The following MTHFD2L variants were observed in gnomAD, a reference collection of about 807,000 sequenced individuals.
MTHFD2L encodes methylenetetrahydrofolate dehydrogenase (NADP+ dependent) 2 like, also known as bifunctional methylenetetrahydrofolate dehydrogenase/cyclohydrolase 2, mitochondrial.
A neutral mutation model predicts 34.9 loss-of-function variants in MTHFD2L; 29 were observed. The observed-to-expected ratio is 0.83, with a 90% confidence interval of 0.62 to 1.13. MTHFD2L has a LOEUF of 1.13. MTHFD2L is among the 50% of genes most tolerant of loss of function. The pLI is 0.00. For missense variants in MTHFD2L, 481 were observed against 446.5 expected (o/e 1.08, Z -0.70); for synonymous variants, 167 against 155.7 (o/e 1.07, Z -0.54).
chr4:74,128,863 A>T (rs1722266764), intron 1 of MTHFD2L, among the ~76,000 whole-genome samples: 1 of 152,026 alleles, frequency 6.6e-6, no homozygotes, highest in Non-Finnish European at 1.5e-5. Context: ...GCACCTCTAT[A>T]ACTTTCAATT....
Position 74,197,997 on chromosome 4 carries a change from A to G in MTHFD2L, c.452-1797A>G, listed in dbSNP as rs539723581. ...ATCTTCACTTTTTTCATCTACTCAT[A>G]TGGAGCTCTTTTCCTTTTAGATTCA... On this transcript the variant is annotated intron_variant, in intron 3 of 7. Transcript: ENST00000325278. Among the ~76,000 whole-genome samples the G allele has an allele frequency of 1.3e-4, 20 of 152,274 alleles. No homozygotes were observed. The Middle Eastern group carries it at 0.014, about 104-fold the overall frequency.
chr4:74,172,925 G>A (rs1398946180), intron 1 of MTHFD2L, among the ~76,000 whole-genome samples: 1 of 152,148 alleles, frequency 6.6e-6, no homozygotes, highest in Non-Finnish European at 1.5e-5. Context: ...GGAGCACAAA[G>A]TTTGCATTTT....
chr4:74,156,163 G>A (rs985682329), upstream of MTHFD2L, among the ~76,000 whole-genome samples: 3 of 152,016 alleles, frequency 2.0e-5, no homozygotes, highest in African/African-American at 4.8e-5. Context: ...ATAGTGTCAC[G>A]TGTCTAACAT....
At chr4:74,240,383 GAT>G (rs1462465132) in intron 6 of MTHFD2L, among the ~76,000 whole-genome samples, 2 of 152,076 alleles carry the variant, frequency 1.3e-5, no homozygotes, top group African/African-American at 4.8e-5. Flanking sequence ...GGCTTACAGA[GAT>G]AACATACAAA....
intron 5 of MTHFD2L, among the ~76,000 whole-genome samples, chr4:74,213,009 T>C (rs915290424): frequency 1.1e-4 from 16 of 152,154 alleles, no homozygotes; most frequent in Non-Finnish European, 1.5e-4. Context: ...GAGACTAGGA[T>C]TGCAACCCCT....
intron 1 of MTHFD2L, among the ~76,000 whole-genome samples, chr4:74,131,399 G>A (rs745724955): frequency 6.6e-6 from 1 of 152,112 alleles, no homozygotes; most frequent in Admixed American, 6.6e-5. Flanking sequence ...ACAGACCAAT[G>A]GAACAGAACA....
At chr4:74,270,520 A>G (rs1011156677) in intron 6 of MTHFD2L, among the ~76,000 whole-genome samples, 3 of 152,206 alleles carry the variant, frequency 2.0e-5, no homozygotes, top group Non-Finnish European at 2.9e-5. Context: ...TTATGGCTAC[A>G]TAGTATTCCA....
At position 74,278,216 on chromosome 4, in the gene MTHFD2L, C is replaced by T. The variant is rs529642871; in HGVS notation, c.806-3209C>T. On this transcript the variant is annotated intron_variant, in intron 6 of 7. Coordinates refer to ENST00000325278, the MANE Select transcript of MTHFD2L (RefSeq NM_001144978.3). ...AACCATTCTTCCCTAGACCAGCCTC[C>T]GAAGTACAACCAACTATTCCAGAGA... Among the ~76,000 whole-genome samples the T allele has an allele frequency of 7.2e-5, 11 of 152,088 alleles. No individual in the cohort carries two copies. The South Asian group carries it at 1.0e-3, about 14-fold the overall frequency.
At chr4:74,181,185 G>C (rs994009122) in intron 3 of MTHFD2L, among the ~76,000 whole-genome samples, 6 of 152,106 alleles carry the variant, frequency 3.9e-5, no homozygotes, top group African/African-American at 1.4e-4. Context: ...TTTGATTTAA[G>C]AGGGTTTAAA....
intron 6 of MTHFD2L, among the ~76,000 whole-genome samples, chr4:74,250,045 G>T (rs1289107813): frequency 6.6e-6 from 1 of 152,006 alleles, no homozygotes; most frequent in African/African-American, 2.4e-5. Context: ...GATTGGGAAA[G>T]TTCTCCTGGA....
In MTHFD2L at chr4:74,175,415, T is replaced by G. The variant is rs1486231516; in HGVS notation, c.451+12T>G. 2 of 1,595,186 alleles carry G rather than the reference T, an allele frequency of 1.3e-6. No homozygotes were observed. The highest frequency in any genetic ancestry group is 4.5e-5 in the East Asian group (2 of 44,692). On this transcript the variant is annotated intron_variant, in intron 3 of 7. Coordinates refer to ENST00000325278, the MANE Select transcript of MTHFD2L (RefSeq NM_001144978.3). Reference sequence around the variant, plus strand: ...GTTACCACTACCAGGTACATAATGCTCCTCTTATTTATCTGATTTTGTTAA... The same window carrying G: ...GTTACCACTACCAGGTACATAATGCGCCTCTTATTTATCTGATTTTGTTAA...
chr4:74,191,235 C>A (rs1732427266), intron 3 of MTHFD2L, among the ~76,000 whole-genome samples: 1 of 152,060 alleles, frequency 6.6e-6, no homozygotes, highest in South Asian at 2.1e-4. Flanking sequence ...ATATTCTAAA[C>A]CCCTACTGGT....
intron 7 of MTHFD2L, among the ~76,000 whole-genome samples, chr4:74,286,702 T>G (rs1327499759): frequency 6.6e-6 from 1 of 152,186 alleles, no homozygotes; most frequent in Non-Finnish European, 1.5e-5. Flanking sequence ...GCAAAGACAT[T>G]TCTCTACCCT....
At chr4:74,121,550 T>G (rs967268352), upstream of MTHFD2L, among the ~76,000 whole-genome samples, 1 of 149,026 alleles carries the variant, frequency 6.7e-6, no homozygotes, top group African/African-American at 2.5e-5. Context: ...AGCTTAGGGC[T>G]CTCACTGATT....
chr4:74,274,888 T>C (rs1388212582), intron 6 of MTHFD2L, among the ~76,000 whole-genome samples: 1 of 152,136 alleles, frequency 6.6e-6, no homozygotes, highest in East Asian at 1.9e-4. Context: ...TGTTAGGGTG[T>C]GGGGGCAAAG....
chr4:74,228,377 A>G (rs931309449), intron 6 of MTHFD2L, among the ~76,000 whole-genome samples: 178 of 152,360 alleles, frequency 1.2e-3, no homozygotes, highest in African/African-American at 4.1e-3. Flanking sequence ...CTTAGGAAGA[A>G]TGAAGTTTAC....
chr4:74,175,522 A>G (rs1021690437), intron 3 of MTHFD2L, 119 bp downstream of exon 3: 35 of 1,093,388 alleles, frequency 3.2e-5, no homozygotes, highest in Middle Eastern at 2.4e-4. Context: ...GAGACTAGCT[A>G]TTTTACTAGT....
chr4:74,150,462 C>T (rs944201662), intron 1 of MTHFD2L, among the ~76,000 whole-genome samples: 12 of 152,218 alleles, frequency 7.9e-5, no homozygotes, highest in Non-Finnish European at 1.5e-5. Flanking sequence ...CTATGTTGGT[C>T]AGGCTGGTCT....
intron 1 of MTHFD2L, among the ~76,000 whole-genome samples, chr4:74,132,242 T>C (rs192316486): frequency 6.6e-6 from 1 of 152,306 alleles, no homozygotes; most frequent in East Asian, 1.9e-4. Context: ...TTACTGGATA[T>C]ATACCCAAAG....
Sources: gnomAD v4.1 joint callset for allele counts (sites outside exome capture counted in the v4.1 genomes callset) on GRCh38, gnomAD v4.1.1 for gene constraint, MANE v1.5 for transcripts, NCBI Gene and HGNC (gene_info 2026-07-23, HGNC 2026-07-21) for gene names.